The following TMEFF2 variants were observed in gnomAD, a reference collection of about 807,000 sequenced individuals.
TMEFF2 encodes the protein transmembrane protein with EGF like and two follistatin like domains 2.
In TMEFF2, 28 loss-of-function variants were observed where a neutral mutation model predicts 53.8. The ratio of observed to expected loss-of-function variants is 0.52; its 90% CI spans 0.39 to 0.71. The LOEUF is 0.71. Among genes scored for constraint, TMEFF2 ranks in the 30% least tolerant of loss-of-function variants. The pLI, the probability that TMEFF2 is intolerant of heterozygous loss-of-function variation, is 0.00. For synonymous variants in TMEFF2, 162 were observed against 166.3 expected, an observed-to-expected ratio of 0.97 and a Z score of 0.20; for missense variants, 353 against 455.2, an observed-to-expected ratio of 0.78 and a Z score of 2.04.
chr2:192,091,987 G>C (rs1688800148), intron 4 of TMEFF2, among the ~76,000 whole-genome samples: 1 of 152,078 alleles, frequency 6.6e-6, no homozygotes, highest in Non-Finnish European at 1.5e-5. Context: ...AAAACATACA[G>C]CGGCTTGCTT....
chr2:192,147,846 G>T (rs1228351812), intron 4 of TMEFF2, among the ~76,000 whole-genome samples: 1 of 151,780 alleles, frequency 6.6e-6, no homozygotes, highest in African/African-American at 2.4e-5. Flanking sequence ...TATCCCCAAG[G>T]TACAAATAAA....
chr2:192,190,723 CT>C (rs1691442059), intron 2 of TMEFF2, among the ~76,000 whole-genome samples: 1 of 152,072 alleles, frequency 6.6e-6, no homozygotes, highest in South Asian at 2.1e-4. Flanking sequence ...TTTAGCATTT[CT>C]AAAAGCCACT....
chr2:192,134,175 C>G (rs1472505674), intron 4 of TMEFF2, among the ~76,000 whole-genome samples: 1 of 152,146 alleles, frequency 6.6e-6, no homozygotes. Context: ...TCACACCTGA[C>G]GCATATACTT....
In TMEFF2 at chr2:192,193,798, A is replaced by AGAGAGAGAGAGG. The variant is rs1559167269; in HGVS notation, c.172+554_172+555insCCTCTCTCTCTC. ...GAGAGAGAGAGAGAGAGAGAGAGAG[A>AGAGAGAGAGAGG]GAGAGAGAGAAATTCTATTGAAACC... is the stretch of plus-strand genomic sequence containing the variant. On this transcript the variant is annotated intron_variant, in intron 1 of 9. Coordinates refer to ENST00000272771, the MANE Select transcript of TMEFF2 (RefSeq NM_016192.4). Among the ~76,000 whole-genome samples the AGAGAGAGAGAGG allele has an allele frequency of 1.7e-3, 231 of 139,714 alleles. 2 individuals carry two copies. The highest frequency in any genetic ancestry group is 6.0e-3 in the African/African-American group (215 of 35,566). 91.7% of individuals were successfully genotyped at this position (139,714 alleles called of 152,430 possible). A position where few individuals can be genotyped will look rare whatever the true frequency, so the allele number is the denominator to read the frequency against.
chr2:192,137,608 T>C (rs1690040678), intron 4 of TMEFF2, among the ~76,000 whole-genome samples: 1 of 151,970 alleles, frequency 6.6e-6, no homozygotes, highest in Admixed American at 6.6e-5. Flanking sequence ...GTGGTTGGTA[T>C]CATCTGGCAA....
intron 6 of TMEFF2, among the ~76,000 whole-genome samples, 175 bp from the exon 7 acceptor site, chr2:191,998,496 A>G (rs1238050715): frequency 6.6e-6 from 1 of 151,976 alleles, no homozygotes; most frequent in East Asian, 1.9e-4. Context: ...TCTGTCTGAG[A>G]GCAAATAATA....
chr2:191,977,577 G>A (rs7585779), intron 7 of TMEFF2, among the ~76,000 whole-genome samples: 101,756 of 152,136 alleles, frequency 0.67, 34,770 homozygotes, highest in East Asian at 0.89. Flanking sequence ...TGGTGTGTCT[G>A]TTGCTAATAA....
At chr2:191,976,546 C>T (rs1268139706) in intron 7 of TMEFF2, among the ~76,000 whole-genome samples, 3 of 152,144 alleles carry the variant, frequency 2.0e-5, no homozygotes, top group Non-Finnish European at 4.4e-5. Context: ...AGGGTCATTC[C>T]GCAGAAAGAA....
intron 4 of TMEFF2, among the ~76,000 whole-genome samples, chr2:192,174,627 C>T (rs1484013826): frequency 6.6e-6 from 1 of 151,698 alleles, no homozygotes; most frequent in Non-Finnish European, 1.5e-5. Flanking sequence ...CAGCAGCTCT[C>T]AGGTGTGGCA....
chr2:192,184,630 A>C, intron 2 of TMEFF2, 147 bp from the exon 3 acceptor site: 2 of 1,098,728 alleles, frequency 1.8e-6, no homozygotes, highest in Non-Finnish European at 2.5e-6. Flanking sequence ...TTATAAGGGC[A>C]TCATTGAAAG....
intron 5 of TMEFF2, among the ~76,000 whole-genome samples, chr2:192,030,878 G>A (rs975588721): frequency 2.6e-5 from 4 of 152,128 alleles, no homozygotes; most frequent in Admixed American, 1.3e-4. Context: ...TTAATTCTTC[G>A]CCTGCATGAT....
rs1691807724 is a variant in TMEFF2, at chr2:191,949,619, C to T, written c.*692G>A. 1.0e-6 allele frequency: 1 copy of T among 985,238 alleles called. No individual in the cohort carries two copies. The highest frequency in any genetic ancestry group is 1.2e-6 in the Non-Finnish European group (1 of 829,912). The allele number at this position is 985,238 out of a possible 1,614,324, so 61.0% of individuals were successfully genotyped here. A position where few individuals can be genotyped will look rare whatever the true frequency, so the allele number is the denominator to read the frequency against. On this transcript the variant is annotated 3_prime_UTR_variant, in exon 10 of 10. Transcript: ENST00000272771. ...ATGCACTTAACTGGGGGATTCTAAG[C>T]TACTTCCCCAATAAAAACCAATATT...
chr2:192,075,295 AT>A (rs1238379219), intron 4 of TMEFF2, among the ~76,000 whole-genome samples: 2 of 32,994 alleles, frequency 6.1e-5, no homozygotes, highest in Admixed American at 3.5e-4. Context: ...TTATATATAT[AT>A]ATATATATAT....
chr2:192,158,464 T>G (rs1166062470), intron 4 of TMEFF2, among the ~76,000 whole-genome samples: 1 of 152,148 alleles, frequency 6.6e-6, no homozygotes, highest in Admixed American at 6.6e-5. Flanking sequence ...TCCTAATAAA[T>G]TTTAAAATAA....
At chr2:192,094,724 A>G (rs1688865132) in intron 4 of TMEFF2, among the ~76,000 whole-genome samples, 1 of 152,236 alleles carries the variant, frequency 6.6e-6, no homozygotes. Context: ...CACCCTTTAA[A>G]TGAAGCCTGT....
chr2:192,154,812 G>A (rs895063517), intron 4 of TMEFF2, among the ~76,000 whole-genome samples: 1 of 151,776 alleles, frequency 6.6e-6, no homozygotes, highest in Non-Finnish European at 1.5e-5. Flanking sequence ...TCTTCATGCA[G>A]CTGATTTTTG....
At chr2:192,107,904 C>CAGA (rs1197401409) in intron 4 of TMEFF2, among the ~76,000 whole-genome samples, 13 of 151,470 alleles carry the variant, frequency 8.6e-5, no homozygotes, top group Non-Finnish European at 1.5e-4. Flanking sequence ...CCTTACAAAA[C>CAGA]TATCTCTCTA....
At chr2:192,165,515 G>A (rs1396720766) in intron 4 of TMEFF2, among the ~76,000 whole-genome samples, 1 of 152,122 alleles carries the variant, frequency 6.6e-6, no homozygotes, top group African/African-American at 2.4e-5. Flanking sequence ...GAGAAGATAA[G>A]CTGTATGAAC....
intron 5 of TMEFF2, among the ~76,000 whole-genome samples, chr2:192,032,195 G>A (rs1475845176): frequency 4.6e-5 from 7 of 152,104 alleles, no homozygotes; most frequent in African/African-American, 1.7e-4. Flanking sequence ...TGACTTAGAA[G>A]GTCAGATGTG....
Sources: gnomAD v4.1 joint callset for allele counts (sites outside exome capture counted in the v4.1 genomes callset) on GRCh38, gnomAD v4.1.1 for gene constraint, MANE v1.5 for transcripts, NCBI Gene and HGNC (gene_info 2026-07-23, HGNC 2026-07-21) for gene names.